Variants in CHST9 observed in about 807,000 individuals in gnomAD.
The protein encoded by CHST9 is carbohydrate sulfotransferase 9, also known as GalNAc-4-sulfotransferase 2.
A neutral mutation model predicts 44.4 loss-of-function variants in CHST9; 41 were observed. The ratio of observed to expected loss-of-function variants is 0.92; its 90% CI spans 0.72 to 1.20. The LOEUF is 1.20. CHST9 is among the 50% of genes most tolerant of loss of function. The pLI, the probability that CHST9 is intolerant of heterozygous loss-of-function variation, is 0.00. For missense variants in CHST9, 504 were observed against 516.5 expected (o/e 0.98, Z 0.23); for synonymous variants, 171 against 178.4 (o/e 0.96, Z 0.33).
In CHST9 at chr18:27,127,091, A is replaced by G. The variant is rs75255907; in HGVS notation, c.121+15598T>C. Among the ~76,000 whole-genome samples the G allele has an allele frequency of 7.5e-4, 114 of 152,260 alleles. 2 individuals carry two copies. In the East Asian group the frequency reaches 0.021, roughly 29 times the overall value. On this transcript the variant is annotated intron_variant, in intron 2 of 5. Coordinates refer to ENST00000618847, the MANE Select transcript of CHST9 (RefSeq NM_031422.6). The stretch of plus-strand genomic sequence containing the variant: ...GGAGAGAAATTATGACTTTAGCTCA[A>G]TTACTGAGTTTAAGGGGTCTGGAGA...
At chr18:26,962,152 C>T (rs1274590423) in intron 4 of CHST9, among the ~76,000 whole-genome samples, 1 of 152,166 alleles carries the variant, frequency 6.6e-6, no homozygotes, top group African/African-American at 2.4e-5. Flanking sequence ...AGAATTTTCC[C>T]TTTCTAGTTC....
chr18:27,130,549 T>C (rs2058462878), intron 2 of CHST9, among the ~76,000 whole-genome samples: 1 of 152,210 alleles, frequency 6.6e-6, no homozygotes, highest in South Asian at 2.1e-4. Flanking sequence ...AGATACGATA[T>C]GGAAGCATAG....
At position 26,917,265 on chromosome 18, in the gene CHST9, G is replaced by T; in HGVS notation, c.326C>A (p.Thr109Lys). ...LNSERSTRLL[T>K]KTSHSQGGDQ... ...CCCTCCTTGTGAATGACTGGTCTTT[G>T]TTAAGAGCCTAGTAGATCTCTCAGA... The change falls in exon 6 of 6, where the codon ACA (threonine) becomes AAA (lysine). Residue 109 changes from threonine (T) to lysine (K), a missense_variant. Thr to Lys is a moderately conservative substitution (Grantham distance 78, BLOSUM62 -1). Transcript: ENST00000618847. 2.5e-6 allele frequency: 4 copies of T among 1,613,748 alleles called. No individual in the cohort carries two copies. Among genetic ancestry groups the T allele is most frequent in the Non-Finnish European group, 3.4e-6 (4 of 1,179,768 alleles).
At chr18:26,947,781 C>A (rs1431138542) in intron 4 of CHST9, among the ~76,000 whole-genome samples, 20 of 152,212 alleles carry the variant, frequency 1.3e-4, no homozygotes. Flanking sequence ...AAATAGGAAT[C>A]CTTTTACACT....
chr18:27,154,909 C>T (rs1023143088), intron 1 of CHST9, among the ~76,000 whole-genome samples: 1 of 151,638 alleles, frequency 6.6e-6, no homozygotes, highest in Non-Finnish European at 1.5e-5. Context: ...ATGGTGAAAC[C>T]CTGTCTCTAC....
intron 4 of CHST9, among the ~76,000 whole-genome samples, chr18:26,973,026 T>C (rs2056571278): frequency 6.6e-6 from 1 of 152,256 alleles, no homozygotes; most frequent in East Asian, 1.9e-4. Context: ...TCTTCCAGCC[T>C]CGCGGACATT....
At chr18:27,006,330 G>A (rs2057015432) in intron 4 of CHST9, among the ~76,000 whole-genome samples, 1 of 151,940 alleles carries the variant, frequency 6.6e-6, no homozygotes, top group Non-Finnish European at 1.5e-5. Context: ...GTGTGGAGAG[G>A]GTATGCTATA....
At chr18:26,968,882 G>A (rs1322751659) in intron 4 of CHST9, among the ~76,000 whole-genome samples, 1 of 152,072 alleles carries the variant, frequency 6.6e-6, no homozygotes, top group Non-Finnish European at 1.5e-5. Flanking sequence ...AATGTTGATT[G>A]AAACATCTAT....
chr18:27,162,731 T>G lies in CHST9; in HGVS notation c.-96-19826A>C, dbSNP rs150476641. 2.3e-4 allele frequency among the ~76,000 whole-genome samples: 35 copies of G among 152,328 alleles called. 2 individuals carry two copies. In the East Asian group the frequency reaches 6.7e-3, roughly 29 times the overall value. On this transcript the variant is annotated intron_variant, in intron 1 of 5. Transcript: ENST00000618847. ...CATTTGTCTAATTTTTTTTCGAGGT[T>G]TTTAACTTCTTTGCCATGGCTTCGA...
At chr18:27,166,659 G>A (rs1376871112) in intron 1 of CHST9, among the ~76,000 whole-genome samples, 1 of 152,178 alleles carries the variant, frequency 6.6e-6, no homozygotes, top group Non-Finnish European at 1.5e-5. Flanking sequence ...AGAAATAATG[G>A]TGCTTCATTA....
chr18:26,920,014 C>T (rs1345214793), intron 5 of CHST9, among the ~76,000 whole-genome samples: 1 of 152,148 alleles, frequency 6.6e-6, no homozygotes, highest in African/African-American at 2.4e-5. Flanking sequence ...GTCTCCCTTT[C>T]CCCCTCCTCT....
At chr18:27,021,540 C>G (rs1178165771) in intron 4 of CHST9, among the ~76,000 whole-genome samples, 2 of 152,198 alleles carry the variant, frequency 1.3e-5, no homozygotes, top group African/African-American at 4.8e-5. Context: ...CAACTCATTC[C>G]TTTTGATTGC....
chr18:27,107,414 C>A (rs1460462236), intron 2 of CHST9, among the ~76,000 whole-genome samples: 1 of 152,128 alleles, frequency 6.6e-6, no homozygotes, highest in Non-Finnish European at 1.5e-5. Flanking sequence ...TTGTTCCCTG[C>A]TTTTTACATA....
intron 4 of CHST9, among the ~76,000 whole-genome samples, chr18:26,982,375 C>A (rs2056702499): frequency 6.7e-6 from 1 of 149,952 alleles, no homozygotes; most frequent in African/African-American, 2.5e-5. Flanking sequence ...TTTGCAAGTG[C>A]CCCTAAGAAT....
intron 5 of CHST9, among the ~76,000 whole-genome samples, chr18:26,921,048 G>T (rs751492215): frequency 6.6e-6 from 1 of 152,038 alleles, no homozygotes; most frequent in Non-Finnish European, 1.5e-5. Flanking sequence ...TAGCATTTGG[G>T]GACTACTGAA....
intron 1 of CHST9, among the ~76,000 whole-genome samples, chr18:27,168,235 C>T (rs2058806724): frequency 6.6e-6 from 1 of 152,130 alleles, no homozygotes; most frequent in African/African-American, 2.4e-5. Flanking sequence ...CCACCACGCC[C>T]GGCTAATTTT....
Position 26,932,421 on chromosome 18 carries a change from A to G in CHST9, c.240+11908T>C, listed in dbSNP as rs767264327. Among the ~76,000 whole-genome samples the G allele has an allele frequency of 5.5e-4, 84 of 152,186 alleles. 1 individual carries two copies. The highest frequency in any genetic ancestry group is 1.8e-4 in the Non-Finnish European group (12 of 68,038). On this transcript the variant is annotated intron_variant, in intron 5 of 5. Transcript: ENST00000618847. ...GACTTGGTGGTTATGGAGTAATAAT[A>G]TCTTCACTCCATCAATGTTGTTTTT...
At chr18:27,017,624 G>C (rs1391066470) in intron 4 of CHST9, among the ~76,000 whole-genome samples, 4 of 152,138 alleles carry the variant, frequency 2.6e-5, no homozygotes, top group Non-Finnish European at 2.9e-5. Flanking sequence ...AGGGAGGTAG[G>C]TGATGAGGTT....
At chr18:27,157,284 TAC>T (rs2058705217) in intron 1 of CHST9, among the ~76,000 whole-genome samples, 1 of 152,112 alleles carries the variant, frequency 6.6e-6, no homozygotes, top group Non-Finnish European at 1.5e-5. Context: ...CTGCTCTCCA[TAC>T]AACAGTAAAA....
Sources: gnomAD v4.1 joint callset for allele counts (sites outside exome capture counted in the v4.1 genomes callset) on GRCh38, gnomAD v4.1.1 for gene constraint, MANE v1.5 for transcripts, NCBI Gene and HGNC (gene_info 2026-07-23, HGNC 2026-07-21) for gene names.